NDUFAB1: variants seen among roughly 807,000 people sequenced by gnomAD.
The protein encoded by NDUFAB1 is NADH:ubiquinone oxidoreductase subunit AB1.
Under a neutral mutation model 16.1 loss-of-function variants are expected in NDUFAB1, and 5 were observed. That is an observed-to-expected ratio of 0.31 (90% CI 0.16 to 0.65). The LOEUF is 0.65. NDUFAB1 is among the 30% of genes least tolerant of loss of function. The pLI, the probability that NDUFAB1 is intolerant of heterozygous loss-of-function variation, is 0.77. For missense variants in NDUFAB1, 187 were observed against 205.3 expected (o/e 0.91, Z 0.54); for synonymous variants, 85 against 78.4 (o/e 1.08, Z -0.44).
chr16:23,590,359 T>C (rs567779148), intron 1 of NDUFAB1, among the ~76,000 whole-genome samples: 1 of 152,288 alleles, frequency 6.6e-6, no homozygotes, highest in East Asian at 1.9e-4. Context: ...CACTAGTTGT[T>C]TGGCCTTGGG....
Position 23,596,225 on chromosome 16 carries a change from C to G in NDUFAB1, c.66G>C (p.Arg22=), listed in dbSNP as rs370978649. The G allele has an allele frequency of 1.2e-6, 2 of 1,607,938 alleles. No individual in the cohort carries two copies. The highest frequency in any genetic ancestry group is 1.7e-6 in the Non-Finnish European group (2 of 1,178,024). Residue 22 remains arginine, a synonymous_variant, in exon 1 of 5, where the codon CGG becomes CGC. Transcript: ENST00000007516. ...GCCGGGCCACGGCCAGCATCCGGAC[C>G]CGGGGCAGCGGCGCAAAGGCCGCGG... ...RLPAAFAPLP[R]VRMLAVARPL...
chr16:23,584,254 T>TGAAAAAAAAAAAAAAA (rs774895056), intron 3 of NDUFAB1, among the ~76,000 whole-genome samples: 1 of 12,114 alleles, frequency 8.3e-5, no homozygotes, highest in African/African-American at 1.7e-4. Context: ...GAATGATCAA[T>TGAAAAAAAAAAAAAAA]TAAAAAAAAA....
At chr16:23,581,400 G>T (rs1224074409) in intron 4 of NDUFAB1, among the ~76,000 whole-genome samples, 1 of 152,024 alleles carries the variant, frequency 6.6e-6, no homozygotes. Context: ...ATAAAAATTA[G>T]CTGGGCGTGG....
chr16:23,588,279 AC>A (rs35906751), intron 1 of NDUFAB1, among the ~76,000 whole-genome samples: 21,952 of 149,792 alleles, frequency 0.15, 1,751 homozygotes, highest in South Asian at 0.21. Context: ...ACATGGTGAA[AC>A]CCCGTCTCTA....
At chr16:23,585,452 T>C (rs777010580) in intron 2 of NDUFAB1, 29 bp from the exon 3 acceptor site, 3 of 1,540,426 alleles carry the variant, frequency 1.9e-6, no homozygotes, top group Non-Finnish European at 2.7e-6. Context: ...AAACACAAAA[T>C]TTAGTCCATG....
At chr16:23,581,333 G>A (rs1966177735) in intron 4 of NDUFAB1, among the ~76,000 whole-genome samples, 160 bp from the exon 5 acceptor site, 1 of 152,204 alleles carries the variant, frequency 6.6e-6, no homozygotes, top group Non-Finnish European at 1.5e-5. Flanking sequence ...ATCACCTGAG[G>A]TCAGGAGTTC....
At chr16:23,593,036 C>T (rs1039114462) in intron 1 of NDUFAB1, among the ~76,000 whole-genome samples, 5 of 152,194 alleles carry the variant, frequency 3.3e-5, no homozygotes, top group African/African-American at 1.2e-4. Flanking sequence ...TGGCTCATGC[C>T]TGTAATCCCA....
chr16:23,584,250 T>TAAAAAAAAAA (rs1966211519), intron 3 of NDUFAB1, among the ~76,000 whole-genome samples: 1 of 6,474 alleles, frequency 1.5e-4, no homozygotes, highest in African/African-American at 6.1e-4. Flanking sequence ...CCAAGAATGA[T>TAAAAAAAAAA]CAATTAAAAA....
intron 3 of NDUFAB1, among the ~76,000 whole-genome samples, chr16:23,582,882 T>C (rs1184226294): frequency 3.3e-5 from 5 of 151,634 alleles, no homozygotes; most frequent in South Asian, 4.2e-4. Context: ...AGCTGGACTG[T>C]ACTGCCGCCA....
intron 1 of NDUFAB1, among the ~76,000 whole-genome samples, chr16:23,587,890 A>G (rs1966246952): frequency 6.6e-6 from 1 of 152,270 alleles, no homozygotes; most frequent in Non-Finnish European, 1.5e-5. Flanking sequence ...TACAGTCACT[A>G]CATTCCAATC....
intron 4 of NDUFAB1, chr16:23,581,736 A>G (rs1429030777): frequency 6.6e-6 from 1 of 152,184 alleles, no homozygotes; most frequent in Non-Finnish European, 1.5e-5. Flanking sequence ...TGCTTTCACA[A>G]AAGCCCCAGG....
chr16:23,585,460 A>G (rs762515979), intron 2 of NDUFAB1, 37 bp from the exon 3 acceptor site: 7 of 1,467,192 alleles, frequency 4.8e-6, no homozygotes, highest in Non-Finnish European at 6.7e-6. Context: ...AATTTAGTCC[A>G]TGAAAGCATC....
At chr16:23,585,306 G>A (rs758206758) in intron 3 of NDUFAB1, 30 bp downstream of exon 3, 16 of 1,488,102 alleles carry the variant, frequency 1.1e-5, no homozygotes, top group Middle Eastern at 1.7e-4. Flanking sequence ...ATCAAAAATC[G>A]CAGTGTGTAG....
chr16:23,581,605 C>T (rs1966180357), intron 4 of NDUFAB1, among the ~76,000 whole-genome samples: 1 of 149,198 alleles, frequency 6.7e-6, no homozygotes, highest in Non-Finnish European at 1.5e-5. Flanking sequence ...AACACTAATA[C>T]AATGTTTTAA....
chr16:23,587,369 T>A lies in NDUFAB1; in HGVS notation c.169-50A>T, dbSNP rs751871128. 7.1e-5 allele frequency: 114 copies of A among 1,595,716 alleles called. No individual in the cohort carries two copies. In the Admixed American group the frequency reaches 7.4e-4, roughly 10 times the overall value. ...ACTGTCATTGAATGGAAAATACCTC[T>A]AAATCAATGCACAAGCCTATAGGTA... On this transcript the variant is annotated intron_variant, in intron 1 of 4. Transcript: ENST00000007516.
rs750830709 is a variant in NDUFAB1 at position 23,596,212 on chromosome 16, C to T, written c.79G>A (p.Ala27Thr). 10 of 1,609,584 alleles carry T rather than the reference C, an allele frequency of 6.2e-6. No homozygotes were observed. The South Asian group carries it at 9.9e-5, about 16-fold the overall frequency. Residue 27 changes from alanine (A) to threonine (T), a missense_variant, in exon 1 of 5, where the codon GCC (alanine) becomes ACC (threonine). This residue lies in a region of NDUFAB1 where 135 missense variants were observed against 129.4 expected (regional missense o/e 1.04). Coordinates refer to ENST00000007516, the MANE Select transcript of NDUFAB1 (RefSeq NM_005003.3). Reference protein sequence around the residue: ...FAPLPRVRMLAVARPLSTALC... With the variant: ...FAPLPRVRMLTVARPLSTALC... The stretch of plus-strand genomic sequence containing the variant: ...GCGGTGCTGAGAGGCCGGGCCACGG[C>T]CAGCATCCGGACCCGGGGCAGCGGC...
At position 23,596,221 on chromosome 16, in the gene NDUFAB1, G is replaced by A. The variant is rs1397792317; in HGVS notation, c.70C>T (p.Arg24Trp). ...AGAGGCCGGGCCACGGCCAGCATCC[G>A]GACCCGGGGCAGCGGCGCAAAGGCC... is the stretch of plus-strand genomic sequence containing the variant. Reference protein sequence around the residue: ...PAAFAPLPRVRMLAVARPLST... With the variant: ...PAAFAPLPRVWMLAVARPLST... The change falls in exon 1 of 5, where the codon CGG becomes TGG. Residue 24 changes from arginine to tryptophan, a missense_variant. Coordinates refer to ENST00000007516, the MANE Select transcript of NDUFAB1 (RefSeq NM_005003.3). The A allele has an allele frequency of 4.4e-6, 7 of 1,608,546 alleles. No individual in the cohort carries two copies. The highest frequency in any genetic ancestry group is 1.7e-5 in the Admixed American group (1 of 59,670).
intron 2 of NDUFAB1, among the ~76,000 whole-genome samples, chr16:23,586,698 G>A (rs747649837): frequency 4.6e-5 from 7 of 150,910 alleles, no homozygotes; most frequent in Non-Finnish European, 5.9e-5. Context: ...GCCTAGGCTG[G>A]ACTGCAATCA....
At position 23,582,299 on chromosome 16, in the gene NDUFAB1, C is replaced by T; in HGVS notation, c.456G>A (p.Lys152=). The part of the protein sequence containing the change: ...QEIVDYIADK[K]DVYE ...ACCTGATACTTTATTCATATACATC[C>T]TTCTTATCTGCAATGTAATCTACAA... The change falls in exon 4 of 5, where the codon AAG becomes AAA. Residue 152 remains lysine, a synonymous_variant. Transcript: ENST00000007516. 1 of 1,563,518 alleles carries T rather than the reference C, an allele frequency of 6.4e-7. No individual in the cohort carries two copies.
Sources: allele counts gnomAD v4.1 joint callset (sites outside exome capture counted in the v4.1 genomes callset), GRCh38; gene constraint gnomAD v4.1.1; regional missense constraint gnomAD v4.1.1; transcripts MANE v1.5; gene names NCBI Gene and HGNC (gene_info 2026-07-23, HGNC 2026-07-21).